The following FNBP1 variants were observed in gnomAD, a reference collection of about 807,000 sequenced individuals.
FNBP1 encodes the protein formin-binding protein 1.
In FNBP1, 26 loss-of-function variants were observed where a neutral mutation model predicts 90.6. The ratio of observed to expected loss-of-function variants is 0.29; its 90% confidence interval spans 0.21 to 0.40. FNBP1 has a LOEUF of 0.40. FNBP1 is among the 10% of genes least tolerant of loss of function. The pLI is 1.00. For missense variants in FNBP1, 635 were observed against 768.0 expected (o/e 0.83, Z 2.05); for synonymous variants, 260 against 265.2 (o/e 0.98, Z 0.19).
chr9:129,893,114 C>T (rs565698766), intron 16 of FNBP1, among the ~76,000 whole-genome samples: 128 of 152,050 alleles, frequency 8.4e-4, no homozygotes, highest in African/African-American at 2.9e-3. Context: ...AGTTTGTCAT[C>T]GGATAGAAAG....
intron 1 of FNBP1, chr9:130,013,828 T>C (rs2056916282): frequency 2.3e-6 from 1 of 442,124 alleles, no homozygotes; most frequent in African/African-American, 2.0e-5. Flanking sequence ...ATTTCAAGAG[T>C]GGGCTTGTTA....
chr9:130,006,356 A>C (rs978574367), intron 1 of FNBP1, among the ~76,000 whole-genome samples: 3 of 152,192 alleles, frequency 2.0e-5, no homozygotes, highest in Non-Finnish European at 2.9e-5. Flanking sequence ...TTAGCTGGGC[A>C]TGGTGGCAAA....
chr9:130,040,436 C>T (rs2059718978), intron 1 of FNBP1, among the ~76,000 whole-genome samples: 1 of 151,856 alleles, frequency 6.6e-6, no homozygotes, highest in Admixed American at 6.6e-5. Context: ...CTGGCCAACA[C>T]GGCGAAACCC....
intron 4 of FNBP1, among the ~76,000 whole-genome samples, chr9:129,974,861 A>G (rs546048944): frequency 6.6e-6 from 1 of 152,006 alleles, no homozygotes; most frequent in South Asian, 2.1e-4. Context: ...CCCTGAAGAA[A>G]AAAAAAAAAG....
intron 1 of FNBP1, among the ~76,000 whole-genome samples, chr9:129,995,253 C>T (rs762095665): frequency 1.4e-4 from 22 of 152,246 alleles, no homozygotes; most frequent in South Asian, 2.1e-4. Context: ...CATTCCCAGA[C>T]GCCAAAAACC....
intron 1 of FNBP1, among the ~76,000 whole-genome samples, chr9:130,034,206 G>C (rs1465788432): frequency 6.6e-6 from 1 of 151,788 alleles, no homozygotes; most frequent in Non-Finnish European, 1.5e-5. Context: ...CCAGCTACTC[G>C]GGAGGTTGAA....
chr9:129,954,484 G>A (rs1363707639), intron 6 of FNBP1, among the ~76,000 whole-genome samples: 1 of 151,880 alleles, frequency 6.6e-6, no homozygotes, highest in Non-Finnish European at 1.5e-5. Flanking sequence ...AATAAATTCA[G>A]CTACACATAA....
At chr9:129,973,355 T>C (rs1295225878) in intron 4 of FNBP1, among the ~76,000 whole-genome samples, 1 of 152,222 alleles carries the variant, frequency 6.6e-6, no homozygotes, top group Non-Finnish European at 1.5e-5. Context: ...CATTCCACTG[T>C]TGTTTTAAGA....
At chr9:129,916,611 C>A in intron 10 of FNBP1, among the ~76,000 whole-genome samples, 2 of 145,018 alleles carry the variant, frequency 1.4e-5, no homozygotes. Flanking sequence ...AGTGAAACTC[C>A]ATCTCAAAAA....
At chr9:129,935,485 CT>C in intron 6 of FNBP1, among the ~76,000 whole-genome samples, 1 of 151,198 alleles carries the variant, frequency 6.6e-6, no homozygotes, top group South Asian at 2.1e-4. Flanking sequence ...TTTTTCTTTT[CT>C]TTTCTTTTCT....
At position 129,922,778 on chromosome 9, in the gene FNBP1, A is replaced by G. The variant is rs142575691; in HGVS notation, c.1170+1066T>C. 1.3e-3 allele frequency among the ~76,000 whole-genome samples: 195 copies of G among 152,340 alleles called. 3 individuals carry two copies. The East Asian group carries it at 0.035, about 27-fold the overall frequency. ...ACCCTGAGGCATAGCTCAGGCAAGT[A>G]TCTTCATTACACTCACATTGCTTCA... On this transcript the variant is annotated intron_variant, in intron 10 of 16. Coordinates refer to ENST00000446176, the MANE Select transcript of FNBP1 (RefSeq NM_015033.3).
At position 129,929,409 on chromosome 9, in the gene FNBP1, C is replaced by CAA. The variant is rs11290487; in HGVS notation, c.642+156_642+157dup. On this transcript the variant is annotated intron_variant, in intron 7 of 16. Coordinates refer to ENST00000446176, the MANE Select transcript of FNBP1 (RefSeq NM_015033.3). ...TGGGTGACAAAGCAAGACTCTGTCT[C>CAA]AAAAAAAAAAAAAAAAAAAAAAAAA... 2.2e-3 allele frequency among the ~76,000 whole-genome samples: 134 copies of CAA among 61,192 alleles called. 2 individuals are homozygous for CAA. Among genetic ancestry groups the CAA allele is most frequent in the African/African-American group, 8.3e-3 (119 of 14,264 alleles). 40.1% of individuals were successfully genotyped at this position (61,192 alleles called of 152,430 possible). A position where few individuals can be genotyped will look rare whatever the true frequency, so the allele number is the denominator to read the frequency against.
At chr9:129,996,665 T>C (rs1430316930) in intron 1 of FNBP1, among the ~76,000 whole-genome samples, 1 of 152,202 alleles carries the variant, frequency 6.6e-6, no homozygotes, top group Non-Finnish European at 1.5e-5. Context: ...TCTAACAGTA[T>C]ACATTCAGTG....
At position 130,043,140 on chromosome 9, in the gene FNBP1, C is replaced by G; in HGVS notation, c.-165G>C. 2.1e-6 allele frequency: 1 copy of G among 484,464 alleles called. No individual in the cohort carries two copies. The highest frequency in any genetic ancestry group is 3.6e-5 in the East Asian group (1 of 27,660). The allele number at this position is 484,464 out of a possible 1,614,324, so 30.0% of individuals were successfully genotyped here. A position where few individuals can be genotyped will look rare whatever the true frequency, so the allele number is the denominator to read the frequency against. ...CTCGCCCGGGGTCTCCTCGGCGGCT[C>G]CTCCTCCCCGCCGCTCCACAGCAAA... is the stretch of plus-strand genomic sequence containing the variant. On this transcript the variant is annotated 5_prime_UTR_variant, in exon 1 of 17. Coordinates refer to ENST00000446176, the MANE Select transcript of FNBP1 (RefSeq NM_015033.3).
intron 5 of FNBP1, 103 bp downstream of exon 5, chr9:129,958,388 C>T: frequency 2.5e-6 from 2 of 806,984 alleles, no homozygotes; most frequent in Non-Finnish European, 4.0e-6. Flanking sequence ...GCCGAGATCG[C>T]ACCATTGCAC....
At chr9:129,967,816 ATT>A (rs2048842387) in intron 4 of FNBP1, among the ~76,000 whole-genome samples, 1 of 152,190 alleles carries the variant, frequency 6.6e-6, no homozygotes, top group Non-Finnish European at 1.5e-5. Context: ...GAAGAAAAGA[ATT>A]TGAGTGTCCT....
At position 129,890,754 on chromosome 9, in the gene FNBP1, CT is replaced by C. The variant is rs535673496; in HGVS notation, c.1847-209del. ...GAACTTTCACGGTTTTCTCTCTAGC[CT>C]TTAGCTGGTCTTTCCTTCAGAGTTA... On this transcript the variant is annotated intron_variant, in intron 16 of 16. Transcript: ENST00000446176. This position sits in a 1 kb window ranked among gnomAD's most constrained non-coding sequence, Gnocchi z 5.8. 4.6e-3 allele frequency among the ~76,000 whole-genome samples: 707 copies of C among 152,302 alleles called. 7 individuals carry two copies. Among genetic ancestry groups the C allele is most frequent in the Non-Finnish European group, 5.8e-3 (394 of 68,040 alleles).
chr9:129,932,159 C>T (rs979074755), intron 6 of FNBP1, among the ~76,000 whole-genome samples: 1 of 148,694 alleles, frequency 6.7e-6, no homozygotes, highest in South Asian at 2.1e-4. Flanking sequence ...TGCAGCGAGC[C>T]GAGATCGCAC....
chr9:129,985,817 C>T (rs945718005), intron 2 of FNBP1, among the ~76,000 whole-genome samples: 1 of 152,048 alleles, frequency 6.6e-6, no homozygotes, highest in African/African-American at 2.4e-5. Flanking sequence ...ACAAAATCAG[C>T]CAGGTGTGGT....
Sources: allele counts gnomAD v4.1 joint callset (sites outside exome capture counted in the v4.1 genomes callset), GRCh38; gene constraint gnomAD v4.1.1; non-coding constraint Gnocchi (gnomAD v3.1); transcripts MANE v1.5; gene names NCBI Gene and HGNC (gene_info 2026-07-23, HGNC 2026-07-21).